ADCY3: variants seen among roughly 807,000 people sequenced by gnomAD.
ADCY3 encodes the protein adenylate cyclase type 3.
In ADCY3, 70 loss-of-function variants were observed where a neutral mutation model predicts 119.4. The ratio of observed to expected loss-of-function variants is 0.59; its 90% CI spans 0.48 to 0.72. The LOEUF is 0.72. Ranked by LOEUF, ADCY3 falls within the 30% of genes least tolerant of loss-of-function variation. The probability of loss-of-function intolerance (pLI) is 0.00; values close to 1 mark genes in which losing one functional copy is unlikely to be tolerated. For missense variants in ADCY3, 1,238 were observed against 1,541.6 expected, an observed-to-expected ratio of 0.80 and a Z score of 3.30; for synonymous variants, 672 against 621.4, an observed-to-expected ratio of 1.08 and a Z score of -1.21.
chr2:24,895,628 C>T (rs989673407), intron 2 of ADCY3, among the ~76,000 whole-genome samples: 2 of 146,010 alleles, frequency 1.4e-5, no homozygotes, highest in South Asian at 2.2e-4. Context: ...CTTTCTTCTT[C>T]TTTTTTTTTT....
intron 8 of ADCY3, among the ~76,000 whole-genome samples, chr2:24,837,629 G>A (rs967472256): frequency 6.6e-6 from 1 of 152,090 alleles, no homozygotes; most frequent in Non-Finnish European, 1.5e-5. Context: ...CTTGTTAGAT[G>A]GACTCTCATA....
intron 3 of ADCY3, among the ~76,000 whole-genome samples, chr2:24,854,421 C>T (rs1672764946): frequency 1.3e-5 from 2 of 152,190 alleles, no homozygotes. Flanking sequence ...AGGTACTTCA[C>T]CCCGGGGGCT....
At position 24,822,525 on chromosome 2, in the gene ADCY3, C is replaced by T. The variant is rs142423059; in HGVS notation, c.2989G>A (p.Ala997Thr). 5 of 1,613,810 alleles carry T rather than the reference C, an allele frequency of 3.1e-6. No homozygotes were observed. Among genetic ancestry groups the T allele is most frequent in the Non-Finnish European group, 4.2e-6 (5 of 1,179,770 alleles). ...GGGTTAGCTACCTTGTTGGAGCTGG[C>T]AAAGCCATTGGTGTTGACATCGGGG... ...VTPDVNTNGFASSNKEDKSER... is the reference protein window; with the variant it reads ...VTPDVNTNGFTSSNKEDKSER... The change falls in exon 19 of 22, where the codon GCC (alanine) becomes ACC (threonine). Residue 997 changes from alanine (A) to threonine (T), a missense_variant. By Grantham distance (58) the Ala-to-Thr change is moderately conservative. Transcript: ENST00000679454.
Position 24,896,865 on chromosome 2 carries a change from G to A in ADCY3, c.675+21448C>T, listed in dbSNP as rs186410750. 1.0e-3 allele frequency among the ~76,000 whole-genome samples: 153 copies of A among 152,238 alleles called. 1 individual carries two copies. Among genetic ancestry groups the A allele is most frequent in the African/African-American group, 3.3e-3 (138 of 41,550 alleles). Reference sequence around the variant, plus strand: ...CAACTTAGTAATCTCGCCAGTCTCCGTTTGGGTTCTCCCTCCCTGTGGTAG... The same window carrying A: ...CAACTTAGTAATCTCGCCAGTCTCCATTTGGGTTCTCCCTCCCTGTGGTAG... On this transcript the variant is annotated intron_variant, in intron 2 of 21. Transcript: ENST00000679454.
chr2:24,823,835 G>A (rs1322378995), intron 17 of ADCY3, among the ~76,000 whole-genome samples: 4 of 152,074 alleles, frequency 2.6e-5, no homozygotes, highest in South Asian at 2.1e-4. Flanking sequence ...GGGACGACAG[G>A]TGTGCACCAC....
At chr2:24,823,492 A>ATTTTTTTTT (rs5829941) in intron 17 of ADCY3, 137 bp from the exon 18 acceptor site, 3 of 660,238 alleles carry the variant, frequency 4.5e-6, no homozygotes, top group Non-Finnish European at 6.8e-6. Flanking sequence ...TTATTCCAGC[A>ATTTTTTTTT]TTTTTTTTTT....
intron 3 of ADCY3, among the ~76,000 whole-genome samples, chr2:24,861,652 A>C (rs1673672409): frequency 6.6e-6 from 1 of 152,202 alleles, no homozygotes; most frequent in Admixed American, 6.5e-5. Flanking sequence ...CTCAGCTCCG[A>C]AGACCCGTCA....
intron 11 of ADCY3, among the ~76,000 whole-genome samples, chr2:24,833,686 A>G (rs1669909716): frequency 6.6e-6 from 1 of 152,068 alleles, no homozygotes; most frequent in African/African-American, 2.4e-5. Context: ...CTTGATCCCC[A>G]CGCATGAAGC....
intron 2 of ADCY3, among the ~76,000 whole-genome samples, chr2:24,891,835 A>G (rs914568650): frequency 1.3e-5 from 2 of 152,214 alleles, no homozygotes; most frequent in Non-Finnish European, 2.9e-5. Flanking sequence ...CTATTTTATT[A>G]TCAGTTGTTG....
At chr2:24,873,053 C>T (rs887701927) in intron 2 of ADCY3, among the ~76,000 whole-genome samples, 2 of 152,362 alleles carry the variant, frequency 1.3e-5, no homozygotes, top group East Asian at 3.9e-4. Flanking sequence ...GCCAGTCCCT[C>T]CACCTGTGAC....
intron 16 of ADCY3, among the ~76,000 whole-genome samples, chr2:24,825,429 G>T (rs1668481117): frequency 6.9e-6 from 1 of 145,326 alleles, no homozygotes; most frequent in South Asian, 2.2e-4. Flanking sequence ...CAACCTCCTA[G>T]ATTCAAGCAA....
At chr2:24,905,762 T>C (rs1679381503) in intron 2 of ADCY3, among the ~76,000 whole-genome samples, 1 of 152,210 alleles carries the variant, frequency 6.6e-6, no homozygotes, top group African/African-American at 2.4e-5. Context: ...TTTCTAGTGC[T>C]TGCCGCCTAT....
intron 2 of ADCY3, among the ~76,000 whole-genome samples, chr2:24,876,897 G>A (rs941232298): frequency 1.3e-5 from 2 of 152,186 alleles, no homozygotes; most frequent in African/African-American, 4.8e-5. Context: ...ATTTTCCGGT[G>A]TTCCCACTCC....
intron 2 of ADCY3, among the ~76,000 whole-genome samples, chr2:24,909,896 C>G (rs1573056030): frequency 6.6e-6 from 1 of 152,180 alleles, no homozygotes. Context: ...GCCTGGACTT[C>G]TTGTAGCCGA....
intron 2 of ADCY3, among the ~76,000 whole-genome samples, chr2:24,877,469 C>T (rs2384059): frequency 0.53 from 80,889 of 151,740 alleles, 23,935 homozygotes; most frequent in African/African-American, 0.81. Flanking sequence ...AAGGCTCGGT[C>T]GCTCCCCTGA....
intron 17 of ADCY3, among the ~76,000 whole-genome samples, chr2:24,823,592 G>A (rs571491353): frequency 2.3e-4 from 35 of 151,460 alleles, no homozygotes; most frequent in East Asian, 3.9e-4. Context: ...AGCACACTGC[G>A]GCCTTGAACA....
intron 3 of ADCY3, among the ~76,000 whole-genome samples, chr2:24,844,248 G>A (rs1160626762): frequency 6.6e-6 from 1 of 152,116 alleles, no homozygotes; most frequent in African/African-American, 2.4e-5. Context: ...GGTGAGGAGT[G>A]CATGGGCGGG....
intron 2 of ADCY3, among the ~76,000 whole-genome samples, chr2:24,886,020 A>G (rs1019265211): frequency 3.9e-5 from 6 of 152,208 alleles, no homozygotes; most frequent in African/African-American, 1.4e-4. Flanking sequence ...ACTTGCTAAT[A>G]TATGTGGATT....
intron 17 of ADCY3, 60 bp from the exon 18 acceptor site, chr2:24,823,415 G>C (rs1668083513): frequency 6.4e-7 from 1 of 1,570,530 alleles, no homozygotes. Flanking sequence ...TGATGTGTTG[G>C]AGAAATGCAT....
Sources: gnomAD v4.1 joint callset for allele counts (sites outside exome capture counted in the v4.1 genomes callset) on GRCh38, gnomAD v4.1.1 for gene constraint, MANE v1.5 for transcripts, NCBI Gene and HGNC (gene_info 2026-07-23, HGNC 2026-07-21) for gene names.